Variants in TSNARE1 observed in about 807,000 individuals in gnomAD.
TSNARE1 encodes t-SNARE domain containing 1.
A neutral mutation model predicts 62.0 loss-of-function variants in TSNARE1; 49 were observed. That is an observed-to-expected ratio of 0.79 (90% CI 0.63 to 1.00). The LOEUF is 1.00. Among genes scored for constraint, TSNARE1 ranks in the 50% least tolerant of loss-of-function variants. TSNARE1 has a pLI of 0.00. For synonymous variants in TSNARE1, 328 were observed against 294.4 expected, an observed-to-expected ratio of 1.11 and a Z score of -1.17; for missense variants, 755 against 700.1, an observed-to-expected ratio of 1.08 and a Z score of -0.88.
chr8:142,378,524 C>T (rs35573743), intron 1 of TSNARE1, among the ~76,000 whole-genome samples: 24,872 of 152,188 alleles, frequency 0.16, 2,156 homozygotes, highest in East Asian at 0.29. Context: ...GCAAAAAGAC[C>T]AGAAGGAGAT....
intron 1 of TSNARE1, among the ~76,000 whole-genome samples, chr8:142,363,513 C>A (rs887298806): frequency 6.6e-6 from 1 of 152,174 alleles, no homozygotes; most frequent in East Asian, 1.9e-4. Flanking sequence ...TTCTCACCAG[C>A]CCCCACAGAG....
At chr8:142,406,472 A>C (rs1292819736), upstream of TSNARE1, 2 of 152,266 alleles carry the variant, frequency 1.3e-5, no homozygotes, top group Non-Finnish European at 2.9e-5. Context: ...CACCTGGAAC[A>C]GCCTGGAGGA....
intron 12 of TSNARE1, among the ~76,000 whole-genome samples, chr8:142,256,326 C>T (rs1240851873): frequency 2.3e-4 from 34 of 148,174 alleles, no homozygotes; most frequent in Non-Finnish European, 2.7e-4. Flanking sequence ...CCACCATCAC[C>T]ATCTTTGCCA....
intron 1 of TSNARE1, among the ~76,000 whole-genome samples, chr8:142,356,933 A>AG (rs139101910): frequency 0.016 from 2,387 of 152,204 alleles, 30 homozygotes; most frequent in Non-Finnish European, 0.025. Context: ...CAGGACAGGA[A>AG]GGGGGGACGC....
intron 12 of TSNARE1, among the ~76,000 whole-genome samples, chr8:142,250,575 C>G (rs948242309): frequency 6.6e-5 from 10 of 152,196 alleles, no homozygotes; most frequent in Non-Finnish European, 1.3e-4. Flanking sequence ...GCTTGTTTTC[C>G]TTCGGAGCGT....
chr8:142,381,655 A>C (rs1202053898), intron 1 of TSNARE1, among the ~76,000 whole-genome samples: 2 of 152,076 alleles, frequency 1.3e-5, no homozygotes, highest in African/African-American at 4.8e-5. Context: ...GGAGCCACAC[A>C]CCTAAACGAG....
chr8:142,386,356 A>AAT (rs907226512), intron 1 of TSNARE1, among the ~76,000 whole-genome samples: 3 of 152,318 alleles, frequency 2.0e-5, no homozygotes, highest in Middle Eastern at 3.4e-3. Context: ...AAGATACTAT[A>AAT]ATATCTCATA....
At chr8:142,315,192 A>G (rs1828328700) in intron 7 of TSNARE1, 100 bp from the exon 8 acceptor site, 1 of 1,220,400 alleles carries the variant, frequency 8.2e-7, no homozygotes, top group African/African-American at 1.5e-5. Context: ...CCACCTTCCC[A>G]CACTCAGAAT....
intron 1 of TSNARE1, among the ~76,000 whole-genome samples, chr8:142,397,715 G>C (rs548077247): frequency 1.1e-4 from 17 of 152,130 alleles, no homozygotes; most frequent in Non-Finnish European, 1.9e-4. Flanking sequence ...GGGAGGGCTC[G>C]AGCCTGCAGC....
At chr8:142,363,468 G>T (rs1225143002) in intron 1 of TSNARE1, among the ~76,000 whole-genome samples, 1 of 152,144 alleles carries the variant, frequency 6.6e-6, no homozygotes, top group African/African-American at 2.4e-5. Flanking sequence ...CATGAGCCTG[G>T]CTCCACTGCA....
At position 142,350,126 on chromosome 8, in the gene TSNARE1, C is replaced by CCAGGGCAGG. The variant is rs1476724979; in HGVS notation, c.89-4243_89-4235dup. The stretch of plus-strand genomic sequence containing the variant: ...GCAGGCAGGGCAGGCAAGGCTGGGA[C>CCAGGGCAGG]CAGGGCAGGCAGGGCGGGCAGGGCT... On this transcript the variant is annotated intron_variant, in intron 2 of 13. Transcript: ENST00000524325. Among the ~76,000 whole-genome samples, 43 of 101,248 alleles carry CCAGGGCAGG rather than the reference C, an allele frequency of 4.2e-4. 3 individuals are homozygous for CCAGGGCAGG. In the East Asian group the frequency reaches 0.013, roughly 30 times the overall value. 66.4% of individuals were successfully genotyped at this position (101,248 alleles called of 152,430 possible).
chr8:142,354,610 G>A lies in TSNARE1; in HGVS notation c.88+27C>T, dbSNP rs377035650. 11 of 1,253,084 alleles carry A rather than the reference G, an allele frequency of 8.8e-6. 1 individual carries two copies. Among genetic ancestry groups the A allele is most frequent in the South Asian group, 6.1e-5 (5 of 82,382 alleles). The allele number at this position is 1,253,084 out of a possible 1,614,324, so 77.6% of individuals were successfully genotyped here. A position where few individuals can be genotyped will look rare whatever the true frequency, so the allele number is the denominator to read the frequency against. The stretch of plus-strand genomic sequence containing the variant: ...TACCCACTACCATCCCCTCCTCCCC[G>A]CCCCCACTTCCAGCTACTATCATTA... On this transcript the variant is annotated intron_variant, in intron 2 of 13. Coordinates refer to ENST00000524325, the MANE Select transcript of TSNARE1 (RefSeq NM_145003.5).
rs1340208022 is a variant in TSNARE1, at chr8:142,344,123, C to A, written c.588G>T (p.Arg196=). The A allele has an allele frequency of 6.2e-7, 1 of 1,612,378 alleles. No individual in the cohort carries two copies. Among genetic ancestry groups the A allele is most frequent in the South Asian group, 1.1e-5 (1 of 90,992 alleles). The part of the protein sequence containing the change: ...HKWRDLRAVV[R]RKLGDLRKAA... The stretch of plus-strand genomic sequence containing the variant: ...CCTTCCGGAGGTCGCCCAGCTTGCG[C>A]CGCACGACGGCTCGTAGGTCCCGCC... Residue 196 remains arginine, a synonymous_variant, in exon 4 of 14, where the codon CGG becomes CGT. Coordinates refer to ENST00000524325, the MANE Select transcript of TSNARE1 (RefSeq NM_145003.5).
chr8:142,312,669 T>A (rs1313093137), intron 9 of TSNARE1, among the ~76,000 whole-genome samples: 2 of 152,166 alleles, frequency 1.3e-5, no homozygotes, highest in South Asian at 2.1e-4. Flanking sequence ...GACTCTCACA[T>A]CACGCACACA....
chr8:142,277,073 C>T (rs1281226989), intron 11 of TSNARE1: 10 of 985,250 alleles, frequency 1.0e-5, no homozygotes, highest in Non-Finnish European at 1.1e-5. Context: ...AGCGACACTC[C>T]AATACCTCAT....
At chr8:142,404,318 AC>A (rs1259139975), upstream of TSNARE1, 1 of 49,036 alleles carries the variant, frequency 2.0e-5, no homozygotes, top group Non-Finnish European at 4.7e-5. Context: ...ACTGCGTGGT[AC>A]TGTGTGCACA....
At chr8:142,329,416 C>T (rs917862109) in intron 6 of TSNARE1, among the ~76,000 whole-genome samples, 4 of 152,226 alleles carry the variant, frequency 2.6e-5, no homozygotes, top group Admixed American at 6.5e-5. Flanking sequence ...GCCCAGGATG[C>T]GCACATGAGG....
intron 13 of TSNARE1, among the ~76,000 whole-genome samples, chr8:142,228,217 GA>G (rs1816931086): frequency 1.3e-5 from 2 of 152,226 alleles, no homozygotes; most frequent in Non-Finnish European, 2.9e-5. Flanking sequence ...TTGACTCACA[GA>G]AACTGTGAGA....
At position 142,282,561 on chromosome 8, in the gene TSNARE1, G is replaced by A. The variant is rs1397066659; in HGVS notation, c.1363+1852C>T. Among the ~76,000 whole-genome samples, 5 of 151,666 alleles carry A rather than the reference G, an allele frequency of 3.3e-5. No homozygotes were observed. In the East Asian group the frequency reaches 9.7e-4, roughly 29 times the overall value. On this transcript the variant is annotated intron_variant, in intron 11 of 13. Transcript: ENST00000524325. ...GCCAATGAGCAGAGGCGGGACCAGTGTCTGTCAATGAGCGGAGGTGGGGCC... is the reference window on the plus strand; with the variant it reads ...GCCAATGAGCAGAGGCGGGACCAGTATCTGTCAATGAGCGGAGGTGGGGCC...
Sources: gnomAD v4.1 joint callset for allele counts (sites outside exome capture counted in the v4.1 genomes callset) on GRCh38, gnomAD v4.1.1 for gene constraint, MANE v1.5 for transcripts, NCBI Gene and HGNC (gene_info 2026-07-23, HGNC 2026-07-21) for gene names.